Variants in HLA-DRB1 observed in about 807,000 individuals in gnomAD.
HLA-DRB1 encodes major histocompatibility complex, class II, DR beta 1 precursor.
A neutral mutation model predicts 27.9 loss-of-function variants in HLA-DRB1; 10 were observed. The ratio of observed to expected loss-of-function variants is 0.36; its 90% CI spans 0.22 to 0.61. HLA-DRB1 has a LOEUF of 0.61. Ranked by LOEUF, HLA-DRB1 falls within the 20% of genes least tolerant of loss-of-function variation. The pLI, the probability that HLA-DRB1 is intolerant of heterozygous loss-of-function variation, is 0.73. For synonymous variants in HLA-DRB1, 57 were observed against 126.7 expected (o/e 0.45, Z 3.69); for missense variants, 118 against 306.3 (o/e 0.39, Z 4.59).
At position 32,585,224 on chromosome 6, in the gene HLA-DRB1, A is replaced by G. The variant is rs1426657568; in HGVS notation, c.101-846T>C. Among the ~76,000 whole-genome samples, 3 of 88,612 alleles carry G rather than the reference A, an allele frequency of 3.4e-5. 1 individual carries two copies. Among genetic ancestry groups the G allele is most frequent in the Non-Finnish European group, 6.7e-5 (3 of 44,560 alleles). 58.1% of individuals were successfully genotyped at this position (88,612 alleles called of 152,430 possible). On this transcript the variant is annotated intron_variant, in intron 1 of 5. Coordinates refer to ENST00000360004, the Ensembl canonical transcript of HLA-DRB1. ...ATACATCAGAACTAGCAGCCCTTGC[A>G]TTTCTGTCCCCACTCTAAGAAACAG...
chr6:32,588,232 G>A (rs28724177), intron 1 of HLA-DRB1, among the ~76,000 whole-genome samples: 2 of 141,348 alleles, frequency 1.4e-5, no homozygotes, highest in African/African-American at 5.2e-5. Flanking sequence ...AAGGCAGGAG[G>A]ATTGCTTGAG....
chr6:32,585,459 C>CTCGCTCTGTCGCCT (rs1776261599), intron 1 of HLA-DRB1, among the ~76,000 whole-genome samples: 15 of 115,738 alleles, frequency 1.3e-4, no homozygotes, highest in East Asian at 2.4e-4. Context: ...ACAGGATTAC[C>CTCGCTCTGTCGCCT]GTTAAGTGTA....
chr6:32,586,721 A>G (rs1363553793), intron 1 of HLA-DRB1, among the ~76,000 whole-genome samples: 87 of 73,506 alleles, frequency 1.2e-3, no homozygotes, highest in Middle Eastern at 8.9e-3. Context: ...CTCCACATAA[A>G]TGTCAATCAA....
chr6:32,587,887 A>T (rs34038591), intron 1 of HLA-DRB1, among the ~76,000 whole-genome samples: 1 of 148,326 alleles, frequency 6.7e-6, no homozygotes, highest in Non-Finnish European at 1.5e-5. Context: ...GAATGATTTG[A>T]ACCTAGAATG....
chr6:32,583,983 TCTCTTC>T (rs1437211813), intron 2 of HLA-DRB1, 120 bp downstream of exon 2: 1 of 311,716 alleles, frequency 3.2e-6, no homozygotes, highest in East Asian at 8.0e-5. Flanking sequence ...GCTCTCTCTC[TCTCTTC>T]CTCTCTCTGT....
chr6:32,585,517 G>A (rs9270027), intron 1 of HLA-DRB1, among the ~76,000 whole-genome samples: 106,024 of 130,498 alleles, frequency 0.81, 43,161 homozygotes, highest in Middle Eastern at 0.87. Flanking sequence ...ATAAACACTC[G>A]AATACATTCC....
chr6:32,580,885 T>A (rs34368612), intron 3 of HLA-DRB1, 29 bp from the exon 4 acceptor site: 3 of 1,531,362 alleles, frequency 2.0e-6, no homozygotes, highest in Non-Finnish European at 2.7e-6. Context: ...TTTAGTGATG[T>A]TTATTCCAAA....
rs796791500 is a variant in HLA-DRB1, at chr6:32,582,086, A to C, written c.371-248T>G. Among the ~76,000 whole-genome samples, 698 of 99,522 alleles carry C rather than the reference A, an allele frequency of 7.0e-3. 4 individuals carry two copies. The highest frequency in any genetic ancestry group is 0.027 in the South Asian group (76 of 2,814). 65.3% of individuals were successfully genotyped at this position (99,522 alleles called of 152,430 possible). A position where few individuals can be genotyped will look rare whatever the true frequency, so the allele number is the denominator to read the frequency against. Reference sequence around the variant, plus strand: ...TAGTTTTAAATCGGCATGCATTGTCAAACTGTTTACAAATCTTGGAAAGTA... The same window carrying C: ...TAGTTTTAAATCGGCATGCATTGTCCAACTGTTTACAAATCTTGGAAAGTA... On this transcript the variant is annotated intron_variant, in intron 2 of 5. Coordinates refer to ENST00000360004, the Ensembl canonical transcript of HLA-DRB1.
chr6:32,589,478 C>G (rs879462514), intron 1 of HLA-DRB1, among the ~76,000 whole-genome samples, 165 bp downstream of exon 1: 3,865 of 53,266 alleles, frequency 0.073, 3 homozygotes, highest in Middle Eastern at 0.14. Context: ...GGCAAGTACC[C>G]AAGCTCCTTT....
intron 2 of HLA-DRB1, among the ~76,000 whole-genome samples, chr6:32,582,611 C>G (rs1242913292): frequency 2.4e-4 from 24 of 98,932 alleles, no homozygotes; most frequent in African/African-American, 7.4e-4. Context: ...TTTTACTTTC[C>G]TAGAAAAGCA....
chr6:32,584,704 C>CCTCCAT (rs1776136003), intron 1 of HLA-DRB1, among the ~76,000 whole-genome samples: 1 of 7,782 alleles, frequency 1.3e-4, no homozygotes. Flanking sequence ...CTCCTGGGAG[C>CCTCCAT]CCCAAAGACA....
Position 32,586,764 on chromosome 6 carries a change from AACC to A in HLA-DRB1, c.101-2389_101-2387del, listed in dbSNP as rs1776460611. On this transcript the variant is annotated intron_variant, in intron 1 of 5. Transcript: ENST00000360004. Reference sequence around the variant, plus strand: ...ATATTTAAACAAAACTTTTATTTCAAACCACCCACTTCAAATCATTTCCTCCCA... The same window carrying A: ...ATATTTAAACAAAACTTTTATTTCAAACCCACTTCAAATCATTTCCTCCCA... 2.4e-5 allele frequency among the ~76,000 whole-genome samples: 2 copies of A among 82,286 alleles called. 1 individual carries two copies. Among genetic ancestry groups the A allele is most frequent in the Non-Finnish European group, 5.0e-5 (2 of 40,374 alleles). The allele number at this position is 82,286 out of a possible 152,430, so 54.0% of individuals were successfully genotyped here.
intron 1 of HLA-DRB1, among the ~76,000 whole-genome samples, chr6:32,584,703 G>GCCTCCAC (rs373304672): frequency 9.5e-5 from 10 of 105,498 alleles, no homozygotes; most frequent in Admixed American, 1.9e-4. Flanking sequence ...CCTCCTGGGA[G>GCCTCCAC]CCCCAAAGAC....
intron 1 of HLA-DRB1, among the ~76,000 whole-genome samples, chr6:32,586,627 C>G (rs34084957): frequency 6.7e-4 from 37 of 54,974 alleles, no homozygotes; most frequent in Admixed American, 1.2e-3. Flanking sequence ...ATTTAACACA[C>G]TACACGTATT....
chr6:32,585,423 A>G (rs34418535), intron 1 of HLA-DRB1, among the ~76,000 whole-genome samples: 14,546 of 139,806 alleles, frequency 0.1, 2,077 homozygotes, highest in Non-Finnish European at 0.11. Context: ...AATCTATCAA[A>G]TGCATTTAAT....
chr6:32,584,826 C>G (rs113342592), intron 1 of HLA-DRB1, among the ~76,000 whole-genome samples: 14,483 of 110,252 alleles, frequency 0.13, 2,947 homozygotes, highest in Non-Finnish European at 0.14. Context: ...TGCGCTGCCT[C>G]TAGGAATCCA....
chr6:32,580,102 CAAAAA>C, intron 5 of HLA-DRB1, 140 bp downstream of exon 5: 30 of 52,654 alleles, frequency 5.7e-4, no homozygotes, highest in African/African-American at 1.7e-3. Flanking sequence ...GACTCCGTCT[CAAAAA>C]AAAAAAAAAA....
chr6:32,582,012 G>A (rs1484367880), intron 2 of HLA-DRB1, among the ~76,000 whole-genome samples, 174 bp from the exon 3 acceptor site: 3 of 125,046 alleles, frequency 2.4e-5, no homozygotes, highest in Non-Finnish European at 5.1e-5. Flanking sequence ...TGACAGTGAG[G>A]ACCCATTAGA....
chr6:32,585,872 T>C (rs9270044), intron 1 of HLA-DRB1, among the ~76,000 whole-genome samples: 181 of 105,956 alleles, frequency 1.7e-3, no homozygotes, highest in African/African-American at 2.3e-3. Flanking sequence ...TGTTTTTAAA[T>C]ACCACAGATA....
Sources: allele counts gnomAD v4.1 joint callset (sites outside exome capture counted in the v4.1 genomes callset), GRCh38; gene constraint gnomAD v4.1.1; transcripts MANE v1.5; gene names NCBI Gene and HGNC (gene_info 2026-07-23, HGNC 2026-07-21).